SPAG1: variants seen among roughly 807,000 people sequenced by gnomAD.
The protein encoded by SPAG1 is sperm-associated antigen 1.
In SPAG1, 69 loss-of-function variants were observed where a neutral mutation model predicts 100.5. The observed-to-expected ratio is 0.69, with a 90% confidence interval of 0.57 to 0.84. The LOEUF (loss-of-function observed/expected upper bound fraction) is 0.84, where lower values mean the gene tolerates loss of function less well. SPAG1 is among the 40% of genes least tolerant of loss of function. The probability of loss-of-function intolerance (pLI) is 0.00; values close to 1 mark genes in which losing one functional copy is unlikely to be tolerated. For missense variants in SPAG1, 955 were observed against 1,133.1 expected (o/e 0.84, Z 2.26); for synonymous variants, 336 against 411.6 (o/e 0.82, Z 2.22).
chr8:100,213,482 G>T, intron 11 of SPAG1, 54 bp downstream of exon 11: 2 of 1,303,820 alleles, frequency 1.5e-6, no homozygotes, highest in Non-Finnish European at 2.0e-6. Context: ...CGGTTCACCC[G>T]ACCTCCGGGG....
chr8:100,165,653 G>A (rs559313023), intron 2 of SPAG1, among the ~76,000 whole-genome samples, 161 bp from the exon 3 acceptor site: 51 of 152,032 alleles, frequency 3.4e-4, no homozygotes, highest in Non-Finnish European at 6.3e-4. Flanking sequence ...ATAGATTAAC[G>A]GGTAAAAATG....
At chr8:100,240,299 A>G (rs1034199198) in intron 17 of SPAG1, 104 bp from the exon 18 acceptor site, 8 of 1,099,618 alleles carry the variant, frequency 7.3e-6, no homozygotes, top group Non-Finnish European at 1.0e-5. Context: ...GGACTACAGT[A>G]CAGTCTACTT....
chr8:100,206,353 T>C (rs1817517886), intron 10 of SPAG1, among the ~76,000 whole-genome samples: 1 of 152,256 alleles, frequency 6.6e-6, no homozygotes, highest in South Asian at 2.1e-4. Context: ...ATACCTTTAC[T>C]GTCCTACCTC....
At chr8:100,192,651 G>C (rs1389202165) in intron 9 of SPAG1, among the ~76,000 whole-genome samples, 2 of 152,172 alleles carry the variant, frequency 1.3e-5, no homozygotes, top group Non-Finnish European at 2.9e-5. Context: ...AATGTTCCTA[G>C]AATATCAGCT....
Position 100,239,292 on chromosome 8 carries a change from GTAT to G in SPAG1, c.2173_2175del (p.Ile725del), listed in dbSNP as rs754962294. 1.3e-6 allele frequency: 2 copies of G among 1,549,222 alleles called. No individual in the cohort carries two copies. Among genetic ancestry groups the G allele is most frequent in the Non-Finnish European group, 1.7e-6 (2 of 1,149,410 alleles). ...AATAAAGTTATCCTACTAGATCCAAGTATTATTGAGGCAAAGATGGAACTGGAA... is the reference window on the plus strand; with the variant it reads ...AATAAAGTTATCCTACTAGATCCAAGTATTGAGGCAAAGATGGAACTGGAA... On this transcript the variant is annotated inframe_deletion, in exon 17 of 19. Coordinates refer to ENST00000388798, the MANE Select transcript of SPAG1 (RefSeq NM_003114.5). The surrounding 1 kb of genome is among the most constrained non-coding windows in gnomAD (Gnocchi z 5.0).
At chr8:100,211,309 A>C (rs1448572293) in intron 10 of SPAG1, among the ~76,000 whole-genome samples, 1 of 152,102 alleles carries the variant, frequency 6.6e-6, no homozygotes, top group African/African-American at 2.4e-5. Flanking sequence ...AGACTATCAA[A>C]GTTGTTCAGA....
At chr8:100,209,365 A>G (rs1377639369) in intron 10 of SPAG1, among the ~76,000 whole-genome samples, 1 of 147,926 alleles carries the variant, frequency 6.8e-6, no homozygotes, top group Non-Finnish European at 1.5e-5. Flanking sequence ...TATATATCCT[A>G]TTAATTCTGT....
intron 10 of SPAG1, chr8:100,194,775 C>A (rs1816960029): frequency 5.6e-6 from 1 of 177,198 alleles, no homozygotes; most frequent in Non-Finnish European, 1.2e-5. Context: ...AGAATCTAGA[C>A]TAGATAAAGG....
intron 10 of SPAG1, among the ~76,000 whole-genome samples, chr8:100,199,106 A>C (rs1817156573): frequency 6.6e-6 from 1 of 152,240 alleles, no homozygotes; most frequent in South Asian, 2.1e-4. Flanking sequence ...TTGTTTGAAC[A>C]GATGTTTTAG....
intron 3 of SPAG1, among the ~76,000 whole-genome samples, chr8:100,167,420 A>G (rs553980259): frequency 6.6e-6 from 1 of 152,336 alleles, no homozygotes; most frequent in South Asian, 2.1e-4. Context: ...GAGATTAACA[A>G]TAAAAAACAG....
intron 14 of SPAG1, among the ~76,000 whole-genome samples, chr8:100,230,376 C>T (rs1335790191): frequency 6.6e-6 from 1 of 152,212 alleles, no homozygotes; most frequent in African/African-American, 2.4e-5. Flanking sequence ...TCGTGTACCA[C>T]TGTAAAAGCG....
At chr8:100,217,586 A>C (rs1383551493) in intron 12 of SPAG1, among the ~76,000 whole-genome samples, 3 of 152,130 alleles carry the variant, frequency 2.0e-5, no homozygotes, top group African/African-American at 7.2e-5. Flanking sequence ...CTTCAGTTTG[A>C]AAGCCATCAT....
At chr8:100,202,268 C>A (rs915632856) in intron 10 of SPAG1, among the ~76,000 whole-genome samples, 21 of 151,690 alleles carry the variant, frequency 1.4e-4, no homozygotes, top group Non-Finnish European at 2.6e-4. Context: ...GAGCGTCCAA[C>A]TTAGTTTTGT....
At chr8:100,224,899 A>G (rs1461664513) in intron 13 of SPAG1, among the ~76,000 whole-genome samples, 3 of 152,332 alleles carry the variant, frequency 2.0e-5, no homozygotes, top group African/African-American at 4.8e-5. Context: ...TTCTCAAAAA[A>G]TACAATTTTA....
intron 13 of SPAG1, 104 bp downstream of exon 13, chr8:100,220,535 T>A (rs1563806417): frequency 2.2e-6 from 2 of 923,902 alleles, no homozygotes; most frequent in Non-Finnish European, 3.3e-6. Context: ...ATCAGTTACT[T>A]TTATCACCTG....
chr8:100,216,377 TTG>T (rs1817987092), intron 12 of SPAG1, among the ~76,000 whole-genome samples: 1 of 152,158 alleles, frequency 6.6e-6, no homozygotes, highest in Non-Finnish European at 1.5e-5. Flanking sequence ...AAGAGTGGAT[TTG>T]TGTTGTCCTT....
chr8:100,199,723 A>C (rs1817186474), intron 10 of SPAG1, among the ~76,000 whole-genome samples: 1 of 152,206 alleles, frequency 6.6e-6, no homozygotes, highest in African/African-American at 2.4e-5. Flanking sequence ...CTGGGATTAC[A>C]GATGTGAGCC....
chr8:100,172,643 T>C (rs1815919234), intron 3 of SPAG1, among the ~76,000 whole-genome samples: 1 of 150,718 alleles, frequency 6.6e-6, no homozygotes, highest in Non-Finnish European at 1.5e-5. Context: ...TATGTGTGTG[T>C]GTGTGTGTGT....
intron 4 of SPAG1, among the ~76,000 whole-genome samples, chr8:100,182,512 G>C (rs1816409025): frequency 6.6e-6 from 1 of 152,232 alleles, no homozygotes; most frequent in Admixed American, 6.5e-5. Context: ...AGTGAAATCA[G>C]TAGGTAGAGA....
Sources: gnomAD v4.1 joint callset for allele counts (sites outside exome capture counted in the v4.1 genomes callset) on GRCh38, gnomAD v4.1.1 for gene constraint, Gnocchi (gnomAD v3.1) non-coding constraint, MANE v1.5 for transcripts, NCBI Gene and HGNC (gene_info 2026-07-23, HGNC 2026-07-21) for gene names.